USP32: variants seen among roughly 807,000 people sequenced by gnomAD.
USP32 encodes the protein ubiquitin specific peptidase 32.
Under a neutral mutation model 204.8 loss-of-function variants are expected in USP32, and 59 were observed. That is an observed-to-expected ratio of 0.29 (90% confidence interval 0.23 to 0.36). USP32 has a LOEUF of 0.36. Among genes scored for constraint, USP32 ranks in the 10% least tolerant of loss-of-function variants. USP32 has a pLI of 1.00. For synonymous variants in USP32, 517 were observed against 678.4 expected, an observed-to-expected ratio of 0.76 and a Z score of 3.70; for missense variants, 1,160 against 1,946.4, an observed-to-expected ratio of 0.60 and a Z score of 7.60.
chr17:60,199,422 T>G (rs1184044212), intron 26 of USP32, among the ~76,000 whole-genome samples: 1 of 152,218 alleles, frequency 6.6e-6, no homozygotes, highest in Non-Finnish European at 1.5e-5. Flanking sequence ...ATAGAGATAC[T>G]GCACAGAATT....
Position 60,183,516 on chromosome 17 carries a change from G to C in USP32, c.3835-63C>G, listed in dbSNP as rs548452507. On this transcript the variant is annotated intron_variant, in intron 30 of 33. Coordinates refer to ENST00000300896, the MANE Select transcript of USP32 (RefSeq NM_032582.4). Reference sequence around the variant, plus strand: ...GTTCTGAAGATACAAAATTTACATGGAAAAAACAAGTCAAATACATGTGAA... The same window carrying C: ...GTTCTGAAGATACAAAATTTACATGCAAAAAACAAGTCAAATACATGTGAA... The C allele has an allele frequency of 8.0e-6, 12 of 1,498,320 alleles. No homozygotes were observed. In the African/African-American group the frequency reaches 1.5e-4, roughly 19 times the overall value. 92.8% of individuals were successfully genotyped at this position (1,498,320 alleles called of 1,614,324 possible).
At chr17:60,411,228 G>T (rs2090015734) in intron 1 of USP32, among the ~76,000 whole-genome samples, 1 of 151,980 alleles carries the variant, frequency 6.6e-6, no homozygotes, top group African/African-American at 2.4e-5. Context: ...GGGGGCTGAG[G>T]CAGGAGAATC....
rs893747714 is a variant in USP32, at chr17:60,233,310, C to A, written c.1239+2828G>T. 6.6e-5 allele frequency among the ~76,000 whole-genome samples: 10 copies of A among 152,026 alleles called. 1 individual carries two copies. In the Middle Eastern group the frequency reaches 0.01, roughly 155 times the overall value. On this transcript the variant is annotated intron_variant, in intron 12 of 33. Transcript: ENST00000300896. ...GTGAGACCCCATCTCTACAGAAAAT[C>A]AAAAAATTAGCCAGGTGTGGTAGTG...
intron 12 of USP32, chr17:60,231,440 C>T: frequency 4.9e-6 from 2 of 411,228 alleles, no homozygotes; most frequent in Non-Finnish European, 9.9e-6. Context: ...ATTATAAAAC[C>T]TAAGGACCTC....
chr17:60,180,766 C>T (rs970123414), intron 32 of USP32, 129 bp from the exon 33 acceptor site: 2 of 955,522 alleles, frequency 2.1e-6, no homozygotes, highest in Non-Finnish European at 3.0e-6. Context: ...ATTTTAGAAC[C>T]CTCTAACTTT....
rs115757694 is a variant in USP32 at position 60,304,368 on chromosome 17, T to A, written c.187-2664A>T. On this transcript the variant is annotated intron_variant, in intron 2 of 33. Transcript: ENST00000300896. The stretch of plus-strand genomic sequence containing the variant: ...TGCTTCCCTTTATTTTTTTATTTTT[T>A]TTTTTTACGGAAACAAAAACAGAGA... Among the ~76,000 whole-genome samples, 1,240 of 151,776 alleles carry A rather than the reference T, an allele frequency of 8.2e-3. 14 individuals carry two copies. The highest frequency in any genetic ancestry group is 0.028 in the African/African-American group (1,147 of 41,468).
intron 11 of USP32, among the ~76,000 whole-genome samples, chr17:60,237,046 A>T (rs941396193): frequency 6.6e-6 from 1 of 152,058 alleles, no homozygotes; most frequent in East Asian, 1.9e-4. Context: ...TCCATTTAAC[A>T]TTCCCATCAG....
intron 5 of USP32, 49 bp downstream of exon 5, chr17:60,288,472 TTA>T: frequency 6.5e-7 from 1 of 1,540,220 alleles, no homozygotes; most frequent in South Asian, 1.2e-5. Context: ...TACCAGCCAA[TTA>T]TATATATAAA....
chr17:60,185,881 G>A (rs1358829550), intron 29 of USP32: 7 of 439,076 alleles, frequency 1.6e-5, no homozygotes, highest in East Asian at 1.3e-4. Context: ...GGTCAAAAGA[G>A]TGAGACCCTG....
At chr17:60,201,356 C>T (rs1463117509) in intron 26 of USP32, among the ~76,000 whole-genome samples, 1 of 152,090 alleles carries the variant, frequency 6.6e-6, no homozygotes, top group Admixed American at 6.6e-5. Flanking sequence ...AATGGTGCTA[C>T]GAATATTCTT....
At chr17:60,380,558 G>C (rs887744241) in intron 1 of USP32, among the ~76,000 whole-genome samples, 9 of 152,094 alleles carry the variant, frequency 5.9e-5, no homozygotes, top group African/African-American at 2.2e-4. Context: ...GCATAAAAAA[G>C]TCATTCCAGA....
At chr17:60,393,259 G>C (rs2089870137), upstream of USP32, among the ~76,000 whole-genome samples, 1 of 152,142 alleles carries the variant, frequency 6.6e-6, no homozygotes, top group African/African-American at 2.4e-5. Context: ...GTGCCTTCCA[G>C]GTTCATGGTG....
chr17:60,285,800 C>G (rs534824024), intron 5 of USP32, among the ~76,000 whole-genome samples: 1 of 151,900 alleles, frequency 6.6e-6, no homozygotes, highest in Non-Finnish European at 1.5e-5. Context: ...GGATTTAACA[C>G]GTAGAAGAAA....
chr17:60,187,366 TTA>T (rs972927234), intron 29 of USP32, among the ~76,000 whole-genome samples: 6 of 152,162 alleles, frequency 3.9e-5, no homozygotes, highest in Non-Finnish European at 1.5e-5. Flanking sequence ...TGGACTTGGG[TTA>T]TAGACTTCTT....
chr17:60,328,075 G>A (rs931045312), intron 2 of USP32, among the ~76,000 whole-genome samples: 2 of 152,212 alleles, frequency 1.3e-5, no homozygotes, highest in African/African-American at 4.8e-5. Context: ...CCCCACTGAG[G>A]CCCCACCTTC....
chr17:60,267,890 A>G (rs555783731), intron 7 of USP32, among the ~76,000 whole-genome samples: 1 of 151,900 alleles, frequency 6.6e-6, no homozygotes, highest in Non-Finnish European at 1.5e-5. Context: ...GGCTCACTGC[A>G]ACCTCCACCT....
At chr17:60,197,756 G>T (rs2084559656) in intron 27 of USP32, among the ~76,000 whole-genome samples, 1 of 152,048 alleles carries the variant, frequency 6.6e-6, no homozygotes, top group African/African-American at 2.4e-5. Flanking sequence ...AACAGAAAAT[G>T]TTAATTATTT....
chr17:60,306,743 T>C (rs2087734250), intron 2 of USP32, among the ~76,000 whole-genome samples: 1 of 152,144 alleles, frequency 6.6e-6, no homozygotes, highest in African/African-American at 2.4e-5. Flanking sequence ...GTCGTCAAAT[T>C]AGCCTTGTTA....
At chr17:60,375,820 G>A (rs1258705878) in intron 1 of USP32, among the ~76,000 whole-genome samples, 1 of 151,970 alleles carries the variant, frequency 6.6e-6, no homozygotes, top group African/African-American at 2.4e-5. Flanking sequence ...GTTGGCCAGG[G>A]TGGTCTCAAA....
Sources: gnomAD v4.1 joint callset for allele counts (sites outside exome capture counted in the v4.1 genomes callset) on GRCh38, gnomAD v4.1.1 for gene constraint, MANE v1.5 for transcripts, NCBI Gene and HGNC (gene_info 2026-07-23, HGNC 2026-07-21) for gene names.